RPH3A: variants seen among roughly 807,000 people sequenced by gnomAD.
RPH3A encodes rabphilin-3A.
In RPH3A, 48 loss-of-function variants were observed where a neutral mutation model predicts 102.2. The observed-to-expected ratio is 0.47, with a 90% CI of 0.37 to 0.60. The LOEUF (loss-of-function observed/expected upper bound fraction) is 0.60. RPH3A is among the 20% of genes least tolerant of loss of function. RPH3A has a pLI of 0.00. For missense variants in RPH3A, 781 were observed against 910.1 expected (o/e 0.86, Z 1.83); for synonymous variants, 310 against 324.3 (o/e 0.96, Z 0.47).
intron 4 of RPH3A, among the ~76,000 whole-genome samples, chr12:112,846,566 T>C (rs145550580): frequency 2.6e-5 from 4 of 152,320 alleles, no homozygotes; most frequent in Admixed American, 6.5e-5. Context: ...CAGCTTCCAA[T>C]GTCAAAAGGC....
chr12:112,868,404 T>C, intron 7 of RPH3A, 26 bp from the exon 8 acceptor site: 1 of 1,605,308 alleles, frequency 6.2e-7, no homozygotes, highest in Non-Finnish European at 8.5e-7. Context: ...CTGCCACATC[T>C]TCAATCCCTG....
chr12:112,595,285 C>T (rs2039509268), intron 1 of RPH3A, among the ~76,000 whole-genome samples: 1 of 152,138 alleles, frequency 6.6e-6, no homozygotes, highest in Non-Finnish European at 1.5e-5. Context: ...ATATCTCTTA[C>T]TTGGTGGCTT....
chr12:112,823,166 G>C (rs1316767483), intron 2 of RPH3A, among the ~76,000 whole-genome samples: 1 of 152,216 alleles, frequency 6.6e-6, no homozygotes, highest in Middle Eastern at 3.2e-3. Flanking sequence ...CCAGGGGCCA[G>C]AGGGCCAGGA....
chr12:112,845,566 A>G (rs796617293), intron 4 of RPH3A, among the ~76,000 whole-genome samples: 78 of 152,300 alleles, frequency 5.1e-4, no homozygotes, highest in African/African-American at 1.8e-3. Context: ...CACTTGCTCA[A>G]GAAGCTCTGC....
At chr12:112,622,254 G>T (rs233707) in intron 1 of RPH3A, among the ~76,000 whole-genome samples, 1,164 of 59,608 alleles carry the variant, frequency 0.02, 1 homozygote, top group African/African-American at 0.039. Context: ...ACGATCAAAT[G>T]ACTCTGAGCT....
At chr12:112,658,918 T>C (rs1409322855) in intron 1 of RPH3A, among the ~76,000 whole-genome samples, 1 of 152,184 alleles carries the variant, frequency 6.6e-6, no homozygotes, top group African/African-American at 2.4e-5. Context: ...GAAAAGATGC[T>C]GATATTAACA....
chr12:112,600,037 C>G (rs1368001091), intron 1 of RPH3A, among the ~76,000 whole-genome samples: 1 of 152,052 alleles, frequency 6.6e-6, no homozygotes, highest in Non-Finnish European at 1.5e-5. Context: ...AGCTTTGTAC[C>G]CGGTACAATT....
chr12:112,586,527 T>C (rs117367494), intron 1 of RPH3A, among the ~76,000 whole-genome samples: 49 of 152,094 alleles, frequency 3.2e-4, no homozygotes, highest in Non-Finnish European at 5.9e-4. Context: ...GCTATGAGGC[T>C]GGAATAAGCT....
At position 112,851,958 on chromosome 12, in the gene RPH3A, A is replaced by T. The variant is rs564627607; in HGVS notation, c.230+4116A>T. Among the ~76,000 whole-genome samples, 4 of 152,344 alleles carry T rather than the reference A, an allele frequency of 2.6e-5. No homozygotes were observed. The South Asian group carries it at 8.3e-4, about 32-fold the overall frequency. On this transcript the variant is annotated intron_variant, in intron 5 of 21. Coordinates refer to ENST00000389385, the MANE Select transcript of RPH3A (RefSeq NM_001143854.2). The stretch of plus-strand genomic sequence containing the variant: ...TCTATTGCAATATAACAAACCACCC[A>T]AAACTTCGTGGCTTAGAGCAAAACA...
rs772237822 is a variant in RPH3A at position 112,678,303 on chromosome 12, A to AAGAGAGAGAGAGAGAGAGAG, written c.-140+102999_-140+103000insGAGAGAGAGAGAGAGAGAGA. Among the ~76,000 whole-genome samples the AAGAGAGAGAGAGAGAGAGAG allele has an allele frequency of 1.6e-4, 8 of 50,138 alleles. 2 individuals carry two copies. Among genetic ancestry groups the AAGAGAGAGAGAGAGAGAGAG allele is most frequent in the African/African-American group, 5.4e-4 (8 of 14,790 alleles). 32.9% of individuals were successfully genotyped at this position (50,138 alleles called of 152,430 possible). On this transcript the variant is annotated intron_variant, in intron 1 of 21. Coordinates refer to the RPH3A transcript ENST00000543106. ...AAAGAAAGAAAGAAAGAAAGAAAGA[A>AAGAGAGAGAGAGAGAGAGAG]AGAGAGAGAGAGAGAAAGAAAGAAA...
chr12:112,785,230 G>A (rs12308818), intron 1 of RPH3A, among the ~76,000 whole-genome samples: 210 of 141,180 alleles, frequency 1.5e-3, no homozygotes, highest in Middle Eastern at 3.6e-3. Flanking sequence ...TCTCAAAAAA[G>A]AAAAAAAAAA....
chr12:112,871,496 T>C (rs1338941478), intron 10 of RPH3A, among the ~76,000 whole-genome samples: 1 of 152,148 alleles, frequency 6.6e-6, no homozygotes, highest in East Asian at 1.9e-4. Flanking sequence ...GTCTTCAAGG[T>C]TCACCCGTGT....
intron 2 of RPH3A, among the ~76,000 whole-genome samples, chr12:112,812,995 G>A (rs2041606592): frequency 6.6e-6 from 1 of 152,218 alleles, no homozygotes; most frequent in Admixed American, 6.5e-5. Flanking sequence ...CATGTGCCAG[G>A]CATTGTTCTA....
intron 2 of RPH3A, among the ~76,000 whole-genome samples, chr12:112,813,160 T>G (rs1324915641): frequency 3.3e-5 from 5 of 152,202 alleles, no homozygotes; most frequent in Admixed American, 2.0e-4. Context: ...AGTGGGGACT[T>G]GAATCTTGAC....
chr12:112,739,576 T>C (rs1565866342), intron 1 of RPH3A, among the ~76,000 whole-genome samples: 1 of 152,224 alleles, frequency 6.6e-6, no homozygotes, highest in Non-Finnish European at 1.5e-5. Context: ...GAGTTGGCTG[T>C]TACATTCTTC....
intron 2 of RPH3A, among the ~76,000 whole-genome samples, chr12:112,821,127 A>G (rs1289276916): frequency 6.6e-6 from 1 of 152,188 alleles, no homozygotes; most frequent in African/African-American, 2.4e-5. Flanking sequence ...GTCCCATGAG[A>G]GAAGGCAGGA....
intron 1 of RPH3A, among the ~76,000 whole-genome samples, chr12:112,741,954 C>T (rs1456891439): frequency 1.3e-5 from 2 of 152,172 alleles, no homozygotes; most frequent in Non-Finnish European, 2.9e-5. Context: ...TACTAAACCT[C>T]TACCACCTGT....
chr12:112,698,858 TTCCCC>T (rs2040371437), intron 1 of RPH3A, among the ~76,000 whole-genome samples: 1 of 145,350 alleles, frequency 6.9e-6, no homozygotes, highest in South Asian at 2.4e-4. Context: ...CTCCTTCTCC[TTCCCC>T]TTCCCCTTCC....
chr12:112,641,506 T>C (rs958405561), intron 1 of RPH3A, among the ~76,000 whole-genome samples: 1 of 152,186 alleles, frequency 6.6e-6, no homozygotes, highest in Non-Finnish European at 1.5e-5. Context: ...AAGTGATTCT[T>C]GTGCCTCAGC....
Sources: allele counts gnomAD v4.1 joint callset (sites outside exome capture counted in the v4.1 genomes callset), GRCh38; gene constraint gnomAD v4.1.1; transcripts MANE v1.5; gene names NCBI Gene and HGNC (gene_info 2026-07-23, HGNC 2026-07-21).